Variants in STARD8 observed in about 807,000 individuals in gnomAD.
STARD8 encodes stAR-related lipid transfer protein 8.
STARD8 carries 25 observed loss-of-function variants against 69.4 expected under a neutral mutation model. The observed-to-expected ratio is 0.36, with a 90% CI of 0.26 to 0.50. The LOEUF is 0.50. Among genes scored for constraint, STARD8 ranks in the 20% least tolerant of loss-of-function variants. The probability of loss-of-function intolerance (pLI) is 0.96; values close to 1 mark genes in which losing one functional copy is unlikely to be tolerated. For missense variants in STARD8, 921 were observed against 932.5 expected (o/e 0.99, Z 0.16); for synonymous variants, 389 against 374.6 (o/e 1.04, Z -0.45).
At position 68,722,538 on chromosome X, in the gene STARD8, C is replaced by T. The variant is rs748057782; in HGVS notation, c.2691C>T (p.Ser897=). ...CCCAAGCTGCAGGGGTAAGCCTGAGCCTCTACATGGAAGAGAATATCCAGG... is the reference window on the plus strand; with the variant it reads ...CCCAAGCTGCAGGGGTAAGCCTGAGTCTCTACATGGAAGAGAATATCCAGG... The part of the protein sequence containing the change: ...RQAQAAGVSL[S]LYMEENIQDL... The change falls in exon 12 of 15, where the codon AGC becomes AGT. Residue 897 remains serine (S), a synonymous_variant. Coordinates refer to ENST00000374599, the MANE Select transcript of STARD8 (RefSeq NM_001142503.3). The T allele has an allele frequency of 6.6e-6, 8 of 1,210,564 alleles. No homozygotes were observed. Among genetic ancestry groups the T allele is most frequent in the Non-Finnish European group, 8.9e-6 (8 of 895,371 alleles).
At chrX:68,657,823 C>T (rs1355928373) in intron 1 of STARD8, among the ~76,000 whole-genome samples, 6 of 110,211 alleles carry the variant, frequency 5.4e-5, no homozygotes, top group African/African-American at 6.6e-5. Flanking sequence ...TATTTGTTCT[C>T]GGGGGTGGAA....
At chrX:68,657,412 G>A (rs1184109589) in intron 1 of STARD8, among the ~76,000 whole-genome samples, 1 of 111,729 alleles carries the variant, frequency 9.0e-6, no homozygotes, top group East Asian at 2.8e-4. Flanking sequence ...GTCTTGAGGA[G>A]ATAGGTAATG....
intron 2 of STARD8, chrX:68,693,762 G>A (rs957820539): frequency 5.3e-6 from 4 of 753,902 alleles, no homozygotes; most frequent in Non-Finnish European, 6.3e-6. Context: ...TCCCTCCTGG[G>A]CTCGCCTCCT....
rs1187742928 is a variant in STARD8, at chrX:68,725,578, A to ATATATGTG, written c.*1157_*1158insATATGTGT. ...CTAATATATATATATATATATATAT[A>ATATATGTG]TGTGTGTGTGTGTGTGTGTGTATAT... is the stretch of plus-strand genomic sequence containing the variant. On this transcript the variant is annotated 3_prime_UTR_variant, in exon 15 of 15. Coordinates refer to ENST00000374599, the MANE Select transcript of STARD8 (RefSeq NM_001142503.3). The ATATATGTG allele has an allele frequency of 2.1e-5, 2 of 94,933 alleles. No individual in the cohort carries two copies. The highest frequency in any genetic ancestry group is 8.8e-5 in the African/African-American group (2 of 22,773). The allele number at this position is 94,933 out of a possible 1,213,427, so 7.8% of individuals were successfully genotyped here.
chrX:68,677,580 G>A (rs923005708), intron 2 of STARD8, among the ~76,000 whole-genome samples: 7 of 111,391 alleles, frequency 6.3e-5, no homozygotes, highest in Non-Finnish European at 3.8e-5. Context: ...CTCTGCTCCT[G>A]CCCTGGTTCT....
chrX:68,680,542 CTGACACCAAAGCAGCT>C (rs2079794941), intron 2 of STARD8, among the ~76,000 whole-genome samples: 1 of 112,703 alleles, frequency 8.9e-6, no homozygotes, highest in African/African-American at 3.2e-5. Flanking sequence ...AAACGCTCCT[CTGACACCAAAGCAGCT>C]TTTCTTTCTG....
chrX:68,716,245 G>A (rs996362225), intron 4 of STARD8, 123 bp from the exon 5 acceptor site: 24 of 594,977 alleles, frequency 4.0e-5, no homozygotes, highest in Middle Eastern at 4.5e-4. Context: ...AAACCTTCAC[G>A]AATATTGGAG....
chrX:68,712,873 C>T (rs746624238), intron 2 of STARD8, 41 bp from the exon 3 acceptor site: 5 of 1,170,983 alleles, frequency 4.3e-6, no homozygotes, highest in Non-Finnish European at 5.8e-6. Flanking sequence ...ACCCTCCTAA[C>T]CCCATTTCTT....
chrX:68,656,928 G>A (rs955274042), intron 1 of STARD8, among the ~76,000 whole-genome samples: 1 of 111,097 alleles, frequency 9.0e-6, no homozygotes, highest in Non-Finnish European at 1.9e-5. Flanking sequence ...AATGGGTGCA[G>A]CACACCAACA....
At chrX:68,687,253 C>G (rs1258834473) in intron 2 of STARD8, among the ~76,000 whole-genome samples, 2 of 110,500 alleles carry the variant, frequency 1.8e-5, no homozygotes, top group African/African-American at 6.6e-5. Flanking sequence ...ATAATCAACT[C>G]GCATTGCCTG....
chrX:68,653,445 C>T (rs1602536801), intron 1 of STARD8, among the ~76,000 whole-genome samples: 1 of 55,207 alleles, frequency 1.8e-5, no homozygotes, highest in Non-Finnish European at 3.5e-5. Context: ...ACACATACAC[C>T]TCACACCACA....
At chrX:68,653,035 A>C (rs1268018253) in intron 1 of STARD8, among the ~76,000 whole-genome samples, 3 of 12,064 alleles carry the variant, frequency 2.5e-4, no homozygotes, top group African/African-American at 6.8e-4. Context: ...CCCACACACC[A>C]CACACACACA....
intron 2 of STARD8, among the ~76,000 whole-genome samples, chrX:68,687,910 C>A (rs1463181534): frequency 8.9e-6 from 1 of 112,476 alleles, no homozygotes. Context: ...GCTGCCATTG[C>A]CTCCCCCACT....
At chrX:68,686,654 C>T (rs1428650251) in intron 2 of STARD8, among the ~76,000 whole-genome samples, 1 of 113,127 alleles carries the variant, frequency 8.8e-6, no homozygotes, top group East Asian at 2.8e-4. Flanking sequence ...CTCCCTCTGC[C>T]TCCTTGTTTG....
At chrX:68,706,121 C>T (rs1004648686) in intron 2 of STARD8, among the ~76,000 whole-genome samples, 1 of 111,846 alleles carries the variant, frequency 8.9e-6, no homozygotes, top group Non-Finnish European at 1.9e-5. Context: ...GCTGTAGCCC[C>T]GGCCAAGACC....
intron 1 of STARD8, among the ~76,000 whole-genome samples, chrX:68,653,016 C>CCAA: frequency 6.8e-5 from 1 of 14,733 alleles, no homozygotes; most frequent in Non-Finnish European, 1.3e-4. Context: ...CACCACCACA[C>CCAA]ACACACACCC....
rs760601528 is a variant in STARD8 at position 68,647,853 on chromosome X, G to T, written c.-30G>T. The T allele has an allele frequency of 7.6e-6, 9 of 1,188,688 alleles. No individual in the cohort carries two copies. Among genetic ancestry groups the T allele is most frequent in the Non-Finnish European group, 6.8e-6 (6 of 884,555 alleles). On this transcript the variant is annotated 5_prime_UTR_variant, in exon 1 of 15. Coordinates refer to ENST00000374599, the MANE Select transcript of STARD8 (RefSeq NM_001142503.3). The stretch of plus-strand genomic sequence containing the variant: ...AGGAGCCGGTGCCCGGCACAGCCCC[G>T]CCGGCCCTAGAAGCTCCCCACGCGC...
chrX:68,711,222 G>A lies in STARD8; in HGVS notation c.80-1692G>A, dbSNP rs866914640. On this transcript the variant is annotated intron_variant, in intron 2 of 14. Transcript: ENST00000374599. ...TAACATAAAACATACATGTATGCAT[G>A]CACACACACACACACACACACACAC... 3.9e-5 allele frequency among the ~76,000 whole-genome samples: 4 copies of A among 101,845 alleles called. 1 individual carries two copies. Among genetic ancestry groups the A allele is most frequent in the South Asian group, 8.8e-4 (2 of 2,273 alleles). 88.4% of individuals were successfully genotyped at this position (101,845 alleles called of 115,157 possible).
At chrX:68,662,115 C>T (rs2079654989) in intron 1 of STARD8, among the ~76,000 whole-genome samples, 1 of 109,843 alleles carries the variant, frequency 9.1e-6, no homozygotes, top group Non-Finnish European at 1.9e-5. Context: ...TCAAGTGATT[C>T]TCCTGCCTCA....
Sources: gnomAD v4.1 joint callset for allele counts (sites outside exome capture counted in the v4.1 genomes callset) on GRCh38, gnomAD v4.1.1 for gene constraint, MANE v1.5 for transcripts, NCBI Gene and HGNC (gene_info 2026-07-23, HGNC 2026-07-21) for gene names.